The following MLLT10 variants were observed in gnomAD, a reference collection of about 807,000 sequenced individuals.
The protein encoded by MLLT10 is protein AF-10.
A neutral mutation model predicts 129.1 loss-of-function variants in MLLT10; 30 were observed. The observed-to-expected ratio is 0.23, with a 90% CI of 0.17 to 0.32. The LOEUF is 0.32. Ranked by LOEUF, MLLT10 falls within the 10% of genes least tolerant of loss-of-function variation. The probability of loss-of-function intolerance (pLI) is 1.00; values close to 1 mark genes in which losing one functional copy is unlikely to be tolerated. For missense variants in MLLT10, 1,119 were observed against 1,268.3 expected, an observed-to-expected ratio of 0.88 and a Z score of 1.79; for synonymous variants, 490 against 446.4, an observed-to-expected ratio of 1.10 and a Z score of -1.23.
chr10:21,607,790 C>T (rs1003480751), intron 5 of MLLT10, among the ~76,000 whole-genome samples: 2 of 152,200 alleles, frequency 1.3e-5, no homozygotes, highest in African/African-American at 2.4e-5. Context: ...CACTGTCTTA[C>T]TTCCTACATG....
intron 13 of MLLT10, among the ~76,000 whole-genome samples, chr10:21,695,506 T>TA (rs1564663658): frequency 6.6e-6 from 1 of 152,232 alleles, no homozygotes; most frequent in Non-Finnish European, 1.5e-5. Context: ...TTCTTCTTTT[T>TA]TATATAGAGT....
At chr10:21,540,266 C>T (rs954060706) in intron 3 of MLLT10, among the ~76,000 whole-genome samples, 4 of 151,822 alleles carry the variant, frequency 2.6e-5, no homozygotes, top group Non-Finnish European at 4.4e-5. Context: ...CAGCGCGTGC[C>T]TATAGTCTAG....
At chr10:21,586,867 A>T (rs1481151448) in intron 4 of MLLT10, among the ~76,000 whole-genome samples, 1 of 151,880 alleles carries the variant, frequency 6.6e-6, no homozygotes, top group African/African-American at 2.4e-5. Context: ...AGCCTGCGTG[A>T]CAGAAGGAGA....
Position 21,534,428 on chromosome 10 carries a change from G to T in MLLT10, c.-93G>T. ...AAGACGCTGAGGAGGAGGAGGAGGC[G>T]GAGGAGGCGGTGGAGGGGAGGTGGG... On this transcript the variant is annotated 5_prime_UTR_variant, in exon 1 of 23. Transcript: ENST00000307729. The T allele has an allele frequency of 2.1e-6, 1 of 483,830 alleles. No homozygotes were observed. Among genetic ancestry groups the T allele is most frequent in the Non-Finnish European group, 3.6e-6 (1 of 275,164 alleles). 30.0% of individuals were successfully genotyped at this position (483,830 alleles called of 1,614,324 possible). A position where few individuals can be genotyped will look rare whatever the true frequency, so the allele number is the denominator to read the frequency against.
intron 4 of MLLT10, among the ~76,000 whole-genome samples, chr10:21,592,524 C>G (rs538394151): frequency 6.6e-6 from 1 of 151,520 alleles, no homozygotes; most frequent in Admixed American, 6.6e-5. Flanking sequence ...GGCGCGATCT[C>G]GACTCACTGC....
At position 21,713,516 on chromosome 10, in the gene MLLT10, A is replaced by C. The variant is rs117920097; in HGVS notation, c.1700-256A>C. Among the ~76,000 whole-genome samples, 12 of 152,288 alleles carry C rather than the reference A, an allele frequency of 7.9e-5. No individual in the cohort carries two copies. In the East Asian group the frequency reaches 2.3e-3, roughly 29 times the overall value. On this transcript the variant is annotated intron_variant, in intron 13 of 22. Transcript: ENST00000307729. ...TAAAATCCATGACATATTTTTTACA[A>C]AGCTCTTTCTGCTATCCCCTGCTTT...
chr10:21,697,116 A>G (rs1475621914), intron 13 of MLLT10, among the ~76,000 whole-genome samples: 1 of 151,346 alleles, frequency 6.6e-6, no homozygotes, highest in Non-Finnish European at 1.5e-5. Context: ...AAAAAAAAAA[A>G]AAAAAAGAGG....
At chr10:21,555,973 G>T (rs1269165416) in intron 3 of MLLT10, among the ~76,000 whole-genome samples, 2 of 150,746 alleles carry the variant, frequency 1.3e-5, no homozygotes, top group African/African-American at 4.9e-5. Flanking sequence ...GAGCCACTGT[G>T]CACGGCCCTT....
At chr10:21,588,314 G>T (rs1032433473) in intron 4 of MLLT10, among the ~76,000 whole-genome samples, 8 of 152,120 alleles carry the variant, frequency 5.3e-5, no homozygotes, top group Non-Finnish European at 7.4e-5. Flanking sequence ...TGATCCTACT[G>T]CCTCGGCCTT....
intron 8 of MLLT10, among the ~76,000 whole-genome samples, chr10:21,646,381 G>A (rs540020237): frequency 2.0e-5 from 3 of 152,022 alleles, no homozygotes; most frequent in South Asian, 4.2e-4. Flanking sequence ...TATTATAAAC[G>A]TTTCTCTCCC....
At chr10:21,701,911 T>TTCTCGTCTCGTCTCGTCTCG (rs559249879) in intron 13 of MLLT10, among the ~76,000 whole-genome samples, 1 of 150,248 alleles carries the variant, frequency 6.7e-6, no homozygotes, top group East Asian at 1.9e-4. Context: ...TTCTCTTCTC[T>TTCTCGTCTCGTCTCGTCTCG]TCTCGTCTCG....
intron 8 of MLLT10, among the ~76,000 whole-genome samples, chr10:21,630,221 A>G (rs1384863057): frequency 3.9e-5 from 6 of 152,206 alleles, no homozygotes; most frequent in Non-Finnish European, 5.9e-5. Flanking sequence ...ATGGATCATG[A>G]GATTGAGGTG....
intron 5 of MLLT10, among the ~76,000 whole-genome samples, chr10:21,612,134 T>C (rs2131193540): frequency 6.6e-6 from 1 of 152,334 alleles, no homozygotes; most frequent in Middle Eastern, 3.4e-3. Flanking sequence ...AATGCCTTTG[T>C]GAATTTTTTT....
At chr10:21,672,640 A>G (rs2051584320) in intron 10 of MLLT10, among the ~76,000 whole-genome samples, 2 of 152,146 alleles carry the variant, frequency 1.3e-5, no homozygotes, top group African/African-American at 4.8e-5. Flanking sequence ...ATGGTGGGGT[A>G]CTCATGTTCT....
chr10:21,717,833 TCCTCCTTCTC>T lies in MLLT10; in HGVS notation c.1878+3885_1878+3894del, dbSNP rs1564712143. On this transcript the variant is annotated intron_variant, in intron 14 of 22. Transcript: ENST00000307729. ...CTTCTCCTTCTTCTCCTCCTTCTCC[TCCTCCTTCTC>T]CTCCTCCTTCTCCTCCTCCTTCTCC... is the stretch of plus-strand genomic sequence containing the variant. Among the ~76,000 whole-genome samples, 274 of 148,432 alleles carry T rather than the reference TCCTCCTTCTC, an allele frequency of 1.8e-3. 5 individuals carry two copies. The highest frequency in any genetic ancestry group is 6.2e-3 in the African/African-American group (246 of 39,964).
At chr10:21,644,608 T>TG (rs1217929799) in intron 8 of MLLT10, among the ~76,000 whole-genome samples, 1 of 152,176 alleles carries the variant, frequency 6.6e-6, no homozygotes, top group East Asian at 1.9e-4. Context: ...TTTAGTCTTA[T>TG]GGGGAATACC....
At chr10:21,665,835 C>G (rs1011839741) in intron 9 of MLLT10, among the ~76,000 whole-genome samples, 1 of 151,976 alleles carries the variant, frequency 6.6e-6, no homozygotes, top group African/African-American at 2.4e-5. Flanking sequence ...TTCAAGCGAT[C>G]TCCCACCTCA....
intron 4 of MLLT10, among the ~76,000 whole-genome samples, chr10:21,588,362 C>G (rs980724124): frequency 6.6e-6 from 1 of 152,134 alleles, no homozygotes; most frequent in Non-Finnish European, 1.5e-5. Context: ...TCACTGCACC[C>G]GGCATGAACA....
intron 8 of MLLT10, chr10:21,624,742 G>A (rs1054582671): frequency 2.4e-6 from 3 of 1,249,852 alleles, no homozygotes; most frequent in Non-Finnish European, 3.5e-6. Flanking sequence ...GACGATGCTT[G>A]GAATCAGGTT....
Sources: gnomAD v4.1 joint callset for allele counts (sites outside exome capture counted in the v4.1 genomes callset) on GRCh38, gnomAD v4.1.1 for gene constraint, MANE v1.5 for transcripts, NCBI Gene and HGNC (gene_info 2026-07-23, HGNC 2026-07-21) for gene names.